Variants in CADM2 observed in about 807,000 individuals in gnomAD.
The protein encoded by CADM2 is immunoglobulin superfamily member 4D.
In CADM2, 12 loss-of-function variants were observed where a neutral mutation model predicts 49.8. That is an observed-to-expected ratio of 0.24 (90% confidence interval 0.15 to 0.39). CADM2 has a LOEUF of 0.39. CADM2 is among the 10% of genes least tolerant of loss of function. The pLI, the probability that CADM2 is intolerant of heterozygous loss-of-function variation, is 1.00. For missense variants in CADM2, 378 were observed against 492.3 expected (o/e 0.77, Z 2.20); for synonymous variants, 214 against 175.4 (o/e 1.22, Z -1.74).
intron 1 of CADM2, among the ~76,000 whole-genome samples, chr3:85,306,950 C>G (rs2044226676): frequency 1.3e-5 from 2 of 151,506 alleles, no homozygotes; most frequent in Non-Finnish European, 3.0e-5. Context: ...CTTTTTCAGT[C>G]AGTATTTCTT....
At chr3:85,251,803 C>T (rs2042780219) in intron 1 of CADM2, among the ~76,000 whole-genome samples, 2 of 151,932 alleles carry the variant, frequency 1.3e-5, no homozygotes, top group African/African-American at 2.4e-5. Context: ...TTTTCAAATA[C>T]TTCTCAGGTT....
intron 1 of CADM2, among the ~76,000 whole-genome samples, chr3:85,008,784 C>T (rs2033858393): frequency 6.6e-6 from 1 of 151,892 alleles, no homozygotes; most frequent in South Asian, 2.1e-4. Flanking sequence ...CATGGCATGT[C>T]ATGTTTTAGT....
At chr3:84,970,597 G>A (rs2031358635) in intron 1 of CADM2, among the ~76,000 whole-genome samples, 1 of 152,006 alleles carries the variant, frequency 6.6e-6, no homozygotes, top group Non-Finnish European at 1.5e-5. Context: ...TTACCTGAAT[G>A]CCAGGTGCGG....
chr3:85,102,222 G>T (rs559859974), intron 1 of CADM2, among the ~76,000 whole-genome samples: 1 of 152,130 alleles, frequency 6.6e-6, no homozygotes, highest in South Asian at 2.1e-4. Flanking sequence ...ACAATACTGT[G>T]ACATTTCCGT....
chr3:85,417,616 G>A (rs562733899), intron 1 of CADM2, among the ~76,000 whole-genome samples: 3 of 152,138 alleles, frequency 2.0e-5, no homozygotes, highest in East Asian at 3.9e-4. Flanking sequence ...TTAAACTAAC[G>A]GTTGCTGGAA....
chr3:86,070,210 C>A lies in CADM2; in HGVS notation c.*3427C>A, dbSNP rs1739735659. On this transcript the variant is annotated 3_prime_UTR_variant, in exon 10 of 10. Coordinates refer to ENST00000383699, the MANE Select transcript of CADM2 (RefSeq NM_001167675.2). The stretch of plus-strand genomic sequence containing the variant: ...CCTAAATATGGCAAAGAAACTAACA[C>A]CTCATTTATTTTTATTTCTTTGTAA... The A allele has an allele frequency of 6.6e-6, 1 of 151,834 alleles. No homozygotes were observed. Among genetic ancestry groups the A allele is most frequent in the Non-Finnish European group, 1.5e-5 (1 of 67,848 alleles). The allele number at this position is 151,834 out of a possible 1,614,324, so 9.4% of individuals were successfully genotyped here. A position where few individuals can be genotyped will look rare whatever the true frequency, so the allele number is the denominator to read the frequency against.
At chr3:85,629,843 A>C (rs1247512674) in intron 1 of CADM2, among the ~76,000 whole-genome samples, 1 of 152,032 alleles carries the variant, frequency 6.6e-6, no homozygotes, top group Admixed American at 6.6e-5. Flanking sequence ...GATTGGTTAA[A>C]CTACTCTGTT....
At chr3:85,686,857 C>G (rs1030947450) in intron 1 of CADM2, among the ~76,000 whole-genome samples, 1 of 152,088 alleles carries the variant, frequency 6.6e-6, no homozygotes, top group African/African-American at 2.4e-5. Flanking sequence ...CTGGAAGCAC[C>G]CTCCCCTTTT....
At chr3:85,379,563 C>T (rs1358996095) in intron 1 of CADM2, among the ~76,000 whole-genome samples, 1 of 151,832 alleles carries the variant, frequency 6.6e-6, no homozygotes, top group African/African-American at 2.4e-5. Context: ...ATGCAATTTT[C>T]CTCTTGCTTT....
chr3:85,277,300 C>A (rs575218499), intron 1 of CADM2, among the ~76,000 whole-genome samples: 2 of 151,374 alleles, frequency 1.3e-5, no homozygotes, highest in Non-Finnish European at 3.0e-5. Flanking sequence ...CAAGGCCATA[C>A]AAGTAGTGAA....
intron 1 of CADM2, among the ~76,000 whole-genome samples, chr3:85,705,647 A>T (rs1010284093): frequency 6.6e-6 from 1 of 152,198 alleles, no homozygotes; most frequent in Admixed American, 6.5e-5. Context: ...GGCCTTCATT[A>T]TGTATTTTCC....
At chr3:85,436,360 A>C (rs150043809) in intron 1 of CADM2, among the ~76,000 whole-genome samples, 2,101 of 152,230 alleles carry the variant, frequency 0.014, 48 homozygotes, top group African/African-American at 0.048. Flanking sequence ...CGATCATGTC[A>C]TCTGCAAACA....
intron 1 of CADM2, among the ~76,000 whole-genome samples, chr3:85,443,158 G>C (rs934537069): frequency 6.6e-6 from 1 of 151,610 alleles, no homozygotes; most frequent in Non-Finnish European, 1.5e-5. Context: ...CCTCAAATAG[G>C]GTGTGTTTGA....
chr3:86,048,654 A>C (rs1736962330), intron 8 of CADM2, among the ~76,000 whole-genome samples: 2 of 152,168 alleles, frequency 1.3e-5, no homozygotes, highest in African/African-American at 2.4e-5. Flanking sequence ...TACTACAGCT[A>C]TCCTGTGGTT....
chr3:85,042,054 G>A (rs1301223768), intron 1 of CADM2, among the ~76,000 whole-genome samples: 2 of 152,170 alleles, frequency 1.3e-5, no homozygotes, highest in Admixed American at 6.6e-5. Context: ...CCTTCAGAAT[G>A]TAATTACCCT....
intron 8 of CADM2, among the ~76,000 whole-genome samples, chr3:86,047,195 G>A (rs1238688068): frequency 6.6e-6 from 1 of 152,088 alleles, no homozygotes; most frequent in Non-Finnish European, 1.5e-5. Context: ...AGATTAGACT[G>A]CTTCTCACAA....
At chr3:85,478,297 A>G (rs1000861175) in intron 1 of CADM2, among the ~76,000 whole-genome samples, 4 of 152,006 alleles carry the variant, frequency 2.6e-5, no homozygotes, top group African/African-American at 9.7e-5. Context: ...TTCAAAAATA[A>G]CAATTGCAAC....
intron 1 of CADM2, among the ~76,000 whole-genome samples, chr3:85,259,849 A>G (rs951166295): frequency 1.3e-5 from 2 of 152,162 alleles, no homozygotes; most frequent in African/African-American, 4.8e-5. Flanking sequence ...TAAGATGGAA[A>G]AAATAATAAC....
At chr3:85,144,245 GCACACACA>G (rs3083491) in intron 1 of CADM2, among the ~76,000 whole-genome samples, 4,613 of 149,026 alleles carry the variant, frequency 0.031, 95 homozygotes, top group East Asian at 0.045. Flanking sequence ...TGTTACACAC[GCACACACA>G]CACACACACA....
Sources: allele counts gnomAD v4.1 joint callset (sites outside exome capture counted in the v4.1 genomes callset), GRCh38; gene constraint gnomAD v4.1.1; transcripts MANE v1.5; gene names NCBI Gene and HGNC (gene_info 2026-07-23, HGNC 2026-07-21).